FBXW2: variants seen among roughly 807,000 people sequenced by gnomAD.
FBXW2 encodes the protein F-box/WD repeat-containing protein 2.
FBXW2 carries 12 observed loss-of-function variants against 46.0 expected under a neutral mutation model. The observed-to-expected ratio is 0.26, with a 90% CI of 0.17 to 0.42. FBXW2 has a LOEUF of 0.42. Ranked by LOEUF, FBXW2 falls within the 10% of genes least tolerant of loss-of-function variation. FBXW2 has a pLI of 1.00. For missense variants in FBXW2, 360 were observed against 537.0 expected, an observed-to-expected ratio of 0.67 and a Z score of 3.26; for synonymous variants, 203 against 209.6, an observed-to-expected ratio of 0.97 and a Z score of 0.27.
At chr9:120,766,003 T>C (rs542796575) in intron 7 of FBXW2, among the ~76,000 whole-genome samples, 8 of 152,254 alleles carry the variant, frequency 5.3e-5, no homozygotes, top group Admixed American at 2.6e-4. Context: ...CAAGAAAAGC[T>C]GATGTCCTCT....
chr9:120,787,853 G>A lies in FBXW2; in HGVS notation c.406C>T (p.His136Tyr), dbSNP rs763455622. The A allele has an allele frequency of 6.2e-7, 1 of 1,614,142 alleles. No homozygotes were observed. Among genetic ancestry groups the A allele is most frequent in the East Asian group, 2.2e-5 (1 of 44,884 alleles). ...AATGACGAGGTTTCAAAGGCTTCAT[G>A]GTCCTCCAGTTGCTTCATTCTCAAA... Reference protein sequence around the residue: ...AILRMKQLEDHEAFETSSLIG... With the variant: ...AILRMKQLEDYEAFETSSLIG... The change falls in exon 3 of 8, where the codon CAT becomes TAT. Residue 136 changes from histidine to tyrosine, a missense_variant. His to Tyr is a moderately conservative substitution (Grantham distance 83, BLOSUM62 2). Transcript: ENST00000608872.
chr9:120,773,584 T>C (rs1415683292), intron 5 of FBXW2, among the ~76,000 whole-genome samples: 1 of 152,204 alleles, frequency 6.6e-6, no homozygotes, highest in African/African-American at 2.4e-5. Flanking sequence ...GCACTTGAGA[T>C]AAGTATATAA....
In FBXW2 at chr9:120,757,389, T is replaced by A. The variant is rs1309890142; in HGVS notation, c.*7170A>T. The A allele has an allele frequency of 1.3e-5, 2 of 152,232 alleles. No individual in the cohort carries two copies. The highest frequency in any genetic ancestry group is 2.9e-5 in the Non-Finnish European group (2 of 68,034). The allele number at this position is 152,232 out of a possible 1,614,324, so 9.4% of individuals were successfully genotyped here. On this transcript the variant is annotated 3_prime_UTR_variant, in exon 8 of 8. Coordinates refer to ENST00000608872, the MANE Select transcript of FBXW2 (RefSeq NM_012164.4). Reference sequence around the variant, plus strand: ...GAAAAAATTCCACTGCTTTTGCGAGTAAGTCTTCTACTGGAACTTGTTCTA... The same window carrying A: ...GAAAAAATTCCACTGCTTTTGCGAGAAAGTCTTCTACTGGAACTTGTTCTA...
rs1311216449 is a variant in FBXW2 at position 120,781,356 on chromosome 9, T to C, written c.491-2811A>G. ...ATTTGGAATCATTCAAAAAACCGTC[T>C]AGGAGTTATTTACAATGCTTGTCAA... On this transcript the variant is annotated intron_variant, in intron 3 of 7. Coordinates refer to ENST00000608872, the MANE Select transcript of FBXW2 (RefSeq NM_012164.4). 2.0e-5 allele frequency among the ~76,000 whole-genome samples: 3 copies of C among 152,286 alleles called. No homozygotes were observed. In the East Asian group the frequency reaches 5.8e-4, roughly 29 times the overall value.
At chr9:120,766,602 T>C (rs984554780) in intron 7 of FBXW2, among the ~76,000 whole-genome samples, 10 of 152,058 alleles carry the variant, frequency 6.6e-5, no homozygotes, top group African/African-American at 1.7e-4. Context: ...GTAGCTGGGA[T>C]TACAGATGCC....
At chr9:120,771,647 C>T (rs2044377168) in intron 6 of FBXW2, 130 bp from the exon 7 acceptor site, 2 of 709,674 alleles carry the variant, frequency 2.8e-6, no homozygotes, top group South Asian at 4.0e-5. Flanking sequence ...GGTTTTATAG[C>T]CAAGAATCAC....
intron 3 of FBXW2, among the ~76,000 whole-genome samples, chr9:120,780,634 G>C (rs1049115444): frequency 1.8e-4 from 28 of 152,142 alleles, no homozygotes; most frequent in African/African-American, 6.8e-4. Flanking sequence ...GTATTCCTAA[G>C]GAGCTAGAGT....
chr9:120,768,383 T>C (rs1200109709), intron 7 of FBXW2, among the ~76,000 whole-genome samples: 5 of 152,220 alleles, frequency 3.3e-5, no homozygotes, highest in African/African-American at 1.2e-4. Flanking sequence ...TGCTGATCGG[T>C]AATTTCCCTG....
rs556701155 is a variant in FBXW2, at chr9:120,771,470, C to T, written c.954G>A (p.Leu318=). The T allele has an allele frequency of 4.3e-6, 7 of 1,614,022 alleles. No homozygotes were observed. In the South Asian group the frequency reaches 6.6e-5, roughly 15 times the overall value. Residue 318 remains leucine (L), a synonymous_variant, in exon 7 of 8, where the codon TTG becomes TTA. Transcript: ENST00000608872. ...AGATACTTCTATCCTCAGAGACAGA[C>T]AATGTCTTTAAGCACTTACAGTTGA... is the stretch of plus-strand genomic sequence containing the variant. ...REINCKCLKT[L]SVSEDRSICL...
At position 120,759,621 on chromosome 9, in the gene FBXW2, C is replaced by T. The variant is rs1266372928; in HGVS notation, c.*4938G>A. The T allele has an allele frequency of 6.6e-6, 1 of 152,152 alleles. No homozygotes were observed. The highest frequency in any genetic ancestry group is 2.4e-5 in the African/African-American group (1 of 41,434). The allele number at this position is 152,152 out of a possible 1,614,324, so 9.4% of individuals were successfully genotyped here. ...ACTAAGTCTAAATCAGTGAAATATG[C>T]CTGTTCACAATCTGAGTACAAAGAC... On this transcript the variant is annotated 3_prime_UTR_variant, in exon 8 of 8. Transcript: ENST00000608872.
At chr9:120,776,303 T>C (rs888983656) in intron 4 of FBXW2, 77 bp from the exon 5 acceptor site, 1 of 1,477,086 alleles carries the variant, frequency 6.8e-7, no homozygotes, top group African/African-American at 1.4e-5. Flanking sequence ...ATAATGTTTA[T>C]TTTCCCCAAT....
At chr9:120,771,557 T>A in intron 6 of FBXW2, 40 bp from the exon 7 acceptor site, 1 of 1,558,970 alleles carries the variant, frequency 6.4e-7, no homozygotes, top group Non-Finnish European at 8.7e-7. Context: ...AGAGATCACA[T>A]CACTACAGAA....
chr9:120,781,407 G>C (rs559897029), intron 3 of FBXW2, among the ~76,000 whole-genome samples: 45 of 152,150 alleles, frequency 3.0e-4, no homozygotes, highest in Non-Finnish European at 5.9e-4. Flanking sequence ...CATGAACACT[G>C]ATTATGAAAA....
chr9:120,775,825 A>T (rs1298285723), intron 5 of FBXW2, among the ~76,000 whole-genome samples: 1 of 152,140 alleles, frequency 6.6e-6, no homozygotes, highest in Admixed American at 6.6e-5. Flanking sequence ...CACACTCTAC[A>T]TATTTTTTTG....
intron 2 of FBXW2, chr9:120,792,925 G>C (rs563030700): frequency 6.5e-7 from 1 of 1,530,428 alleles, no homozygotes; most frequent in Admixed American, 2.0e-5. Context: ...GCGCAGTATA[G>C]CGCTTTGTAC....
chr9:120,791,891 A>T (rs1367485299), intron 2 of FBXW2, among the ~76,000 whole-genome samples: 1 of 152,084 alleles, frequency 6.6e-6, no homozygotes, highest in African/African-American at 2.4e-5. Flanking sequence ...ATCAATAATC[A>T]CAAAGTGGGT....
chr9:120,790,266 C>T (rs1408229638), intron 2 of FBXW2, among the ~76,000 whole-genome samples: 2 of 152,136 alleles, frequency 1.3e-5, no homozygotes, highest in African/African-American at 4.8e-5. Flanking sequence ...GGCCGGATCA[C>T]GAGGTCAGGA....
rs995535893 is a variant in FBXW2 at position 120,793,393 on chromosome 9, G to A, written c.-169C>T. 1.0e-5 allele frequency: 4 copies of A among 400,074 alleles called. No homozygotes were observed. Among genetic ancestry groups the A allele is most frequent in the African/African-American group, 2.1e-5 (1 of 48,612 alleles). The allele number at this position is 400,074 out of a possible 1,614,324, so 24.8% of individuals were successfully genotyped here. A position where few individuals can be genotyped will look rare whatever the true frequency, so the allele number is the denominator to read the frequency against. On this transcript the variant is annotated 5_prime_UTR_variant, in exon 1 of 8. Coordinates refer to ENST00000608872, the MANE Select transcript of FBXW2 (RefSeq NM_012164.4). ...GCTGCTCCCGGTCCGCAGCCTCACA[G>A]GGGAGCGGCTTCCGGTGCTGCCTGC...
rs1373608839 is a variant in FBXW2, at chr9:120,764,136, T to C, written c.*423A>G. The stretch of plus-strand genomic sequence containing the variant: ...GAGGAAAGTTGCTGTAACAACATCA[T>C]AGCACCTTTGCTTCAACTTCAAAAG... On this transcript the variant is annotated 3_prime_UTR_variant, in exon 8 of 8. Transcript: ENST00000608872. 6 of 353,092 alleles carry C rather than the reference T, an allele frequency of 1.7e-5. No individual in the cohort carries two copies. Among genetic ancestry groups the C allele is most frequent in the Non-Finnish European group, 3.0e-5 (6 of 198,202 alleles). The allele number at this position is 353,092 out of a possible 1,614,324, so 21.9% of individuals were successfully genotyped here.
Sources: allele counts gnomAD v4.1 joint callset (sites outside exome capture counted in the v4.1 genomes callset), GRCh38; gene constraint gnomAD v4.1.1; transcripts MANE v1.5; gene names NCBI Gene and HGNC (gene_info 2026-07-23, HGNC 2026-07-21).